Variants in MYO15B observed in about 807,000 individuals in gnomAD.
The protein encoded by MYO15B is myosin XVB.
In MYO15B, 207 loss-of-function variants were observed where a neutral mutation model predicts 119.3. That is an observed-to-expected ratio of 1.73 (90% CI 1.55 to 1.95). The LOEUF is 1.95. Ranked by LOEUF, MYO15B falls within the 30% of genes most tolerant of loss-of-function variation. The pLI, the probability that MYO15B is intolerant of heterozygous loss-of-function variation, is 0.00. For missense variants in MYO15B, 2,264 were observed against 1,203.1 expected (o/e 1.88, Z -13.04); for synonymous variants, 966 against 498.9 (o/e 1.94, Z -12.48).
At chr17:75,624,784 G>A (rs940301713) in exon 59 of MYO15B, 184 of 702,812 alleles carry the variant, frequency 2.6e-4, no homozygotes, top group Admixed American at 1.4e-3. Flanking sequence ...AGCTGGTGCG[G>A]CCCCTGCAGC....
At chr17:75,614,259 G>A (rs2058220843) in exon 30 of MYO15B, 1 of 702,876 alleles carries the variant, frequency 1.4e-6, no homozygotes, top group African/African-American at 1.7e-5. Flanking sequence ...ACGCATGGCA[G>A]GACTTGGCTG....
At chr17:75,603,259 C>T (rs1049993238) in exon 19 of MYO15B, 27 of 703,114 alleles carry the variant, frequency 3.8e-5, no homozygotes, top group Non-Finnish European at 6.8e-5. Context: ...AGGCCGTGGG[C>T]ACCCGCAGTG....
At chr17:75,588,299 G>A (rs1490221828) in exon 1 of MYO15B, 4 of 398,256 alleles carry the variant, frequency 1.0e-5, no homozygotes, top group African/African-American at 2.1e-5. Context: ...AGACGCCCAG[G>A]GGCTGGGCTG....
exon 1 of MYO15B, chr17:75,588,349 C>G: frequency 2.5e-6 from 1 of 398,568 alleles, no homozygotes; most frequent in Non-Finnish European, 4.4e-6. Context: ...CGCGCAGCGT[C>G]AGGGACGCGG....
chr17:75,605,476 T>C (rs773516897), intron 19 of MYO15B, 28 bp from the exon 20 acceptor site: 58 of 698,204 alleles, frequency 8.3e-5, no homozygotes, highest in Non-Finnish European at 1.4e-4. Flanking sequence ...TTCTGGCTAT[T>C]CTGATCTCAG....
Position 75,601,524 on chromosome 17 carries a change from G to A in MYO15B, c.3612G>A (p.Val1204=), listed in dbSNP as rs2057284982. 8.5e-6 allele frequency: 6 copies of A among 703,060 alleles called. No homozygotes were observed. In the Admixed American group the frequency reaches 1.2e-4, roughly 14 times the overall value. The allele number at this position is 703,060 out of a possible 1,614,324, so 43.6% of individuals were successfully genotyped here. A position where few individuals can be genotyped will look rare whatever the true frequency, so the allele number is the denominator to read the frequency against. The change falls in exon 15 of 64, where the codon GTG becomes GTA. Residue 1204 remains valine, a synonymous_variant. Coordinates refer to ENST00000645453, the Ensembl canonical transcript of MYO15B. ...CCAAGCCCCGGCTGCCCCTGCCCGTGTTCACCGTGCGACATTATGCAGGGA... is the reference window on the plus strand; with the variant it reads ...CCAAGCCCCGGCTGCCCCTGCCCGTATTCACCGTGCGACATTATGCAGGGA...
At chr17:75,626,683 G>A (rs2059087350) in exon 64 of MYO15B, among the ~76,000 whole-genome samples, 1 of 152,382 alleles carries the variant, frequency 6.6e-6, no homozygotes, top group South Asian at 2.1e-4. Flanking sequence ...CCCTCTCCAG[G>A]ACGGCCTGGG....
intron 56 of MYO15B, 39 bp from the exon 57 acceptor site, chr17:75,624,331 A>G: frequency 1.4e-6 from 1 of 702,822 alleles, no homozygotes; most frequent in Non-Finnish European, 2.6e-6. Flanking sequence ...CTCCTACAGG[A>G]GACCACTGGC....
chr17:75,626,567 A>C (rs2059082421), exon 64 of MYO15B: 1 of 696,580 alleles, frequency 1.4e-6, no homozygotes, highest in Non-Finnish European at 2.6e-6. Context: ...GGATGCTATC[A>C]GATCACTGTT....
exon 28 of MYO15B, chr17:75,613,463 C>G (rs1265249927): frequency 7.3e-6 from 5 of 681,626 alleles, no homozygotes; most frequent in Non-Finnish European, 1.3e-5. Flanking sequence ...GATGTGTTCA[C>G]CTTCAGCGGT....
chr17:75,601,310 T>A, intron 14 of MYO15B, 128 bp from the exon 15 acceptor site: 1 of 591,702 alleles, frequency 1.7e-6, no homozygotes, highest in East Asian at 2.8e-5. Flanking sequence ...AAGCGCTTGT[T>A]TTGGGGAACA....
chr17:75,616,364 C>T, exon 38 of MYO15B: 2 of 613,748 alleles, frequency 3.3e-6, no homozygotes, highest in Non-Finnish European at 2.9e-6. Flanking sequence ...AGGTCCACAT[C>T]CCCCAGGGGG....
At chr17:75,594,383 G>A (rs2056709877) in intron 9 of MYO15B, 92 bp from the exon 10 acceptor site, 2 of 561,030 alleles carry the variant, frequency 3.6e-6, no homozygotes, top group Admixed American at 3.4e-5. Flanking sequence ...TTGGTGACAG[G>A]GCCACTTACC....
chr17:75,611,991 C>T (rs1049303320), exon 25 of MYO15B: 3 of 702,896 alleles, frequency 4.3e-6, no homozygotes, highest in Non-Finnish European at 7.8e-6. Flanking sequence ...TTCCCTTTCT[C>T]CAGCTTCGTC....
At chr17:75,610,095 G>A (rs1159253995) in intron 21 of MYO15B, 71 bp from the exon 22 acceptor site, 1 of 617,806 alleles carries the variant, frequency 1.6e-6, no homozygotes, top group Non-Finnish European at 3.0e-6. Flanking sequence ...CAGGCTTAAG[G>A]GATTCCAGTG....
exon 64 of MYO15B, chr17:75,626,695 C>G (rs2059087838): frequency 1.7e-6 from 1 of 579,816 alleles, no homozygotes; most frequent in Admixed American, 3.1e-5. Flanking sequence ...CGGCCTGGGG[C>G]CAAAGCGGGC....
In MYO15B at chr17:75,589,222, C is replaced by T; in HGVS notation, c.1165C>T (p.Arg389Trp). The T allele has an allele frequency of 2.5e-6, 1 of 397,702 alleles. No homozygotes were observed. Among genetic ancestry groups the T allele is most frequent in the Non-Finnish European group, 4.4e-6 (1 of 227,124 alleles). The allele number at this position is 397,702 out of a possible 1,614,324, so 24.6% of individuals were successfully genotyped here. Residue 389 changes from arginine to tryptophan, a missense_variant, in exon 1 of 64, where the codon CGG (arginine) becomes TGG (tryptophan). Coordinates refer to ENST00000645453, the Ensembl canonical transcript of MYO15B. The surrounding 1 kb of genome is among the most constrained non-coding windows in gnomAD (Gnocchi z 4.2). ...GCGGCGGCGGCTGCGGCTGCGGCGG[C>T]GGCCGCCAGAGGGCGAGGGGCAGGG...
intron 14 of MYO15B, among the ~76,000 whole-genome samples, chr17:75,597,722 C>A (rs532663895): frequency 6.6e-6 from 1 of 151,986 alleles, no homozygotes; most frequent in Admixed American, 6.6e-5. Flanking sequence ...CCCAGGAGCT[C>A]GAGACCAACA....
Position 75,589,916 on chromosome 17 carries a change from C to A in MYO15B, c.1859C>A (p.Ser620Tyr), listed in dbSNP as rs79599625. The change falls in exon 1 of 64, where the codon TCC (serine) becomes TAC (tyrosine). Residue 620 changes from serine to tyrosine, a missense_variant. By Grantham distance (144) the Ser-to-Tyr change is moderately radical. Coordinates refer to ENST00000645453, the Ensembl canonical transcript of MYO15B. This position sits in a 1 kb window ranked among gnomAD's most constrained non-coding sequence, Gnocchi z 4.2. ...GGGCCTTCCCTCGACGAGAGCGGCTCCAGCAGTGAGGCGGAGTTGGAGACC... is the reference window on the plus strand; with the variant it reads ...GGGCCTTCCCTCGACGAGAGCGGCTACAGCAGTGAGGCGGAGTTGGAGACC... 34,670 of 398,602 alleles carry A rather than the reference C, an allele frequency of 0.087. 1,684 individuals carry two copies. Among genetic ancestry groups the A allele is most frequent in the Middle Eastern group, 0.15 (240 of 1,590 alleles). The allele number at this position is 398,602 out of a possible 1,614,324, so 24.7% of individuals were successfully genotyped here.
Sources: allele counts gnomAD v4.1 joint callset (sites outside exome capture counted in the v4.1 genomes callset), GRCh38; gene constraint gnomAD v4.1.1; non-coding constraint Gnocchi (gnomAD v3.1); transcripts MANE v1.5; gene names NCBI Gene and HGNC (gene_info 2026-07-23, HGNC 2026-07-21).